Variants in CACNA1D observed in about 807,000 individuals in gnomAD.
CACNA1D encodes the protein voltage-dependent L-type calcium channel subunit alpha-1D.
CACNA1D carries 55 observed loss-of-function variants against 257.1 expected under a neutral mutation model. The observed-to-expected ratio is 0.21, with a 90% CI of 0.17 to 0.27. CACNA1D has a LOEUF of 0.27. CACNA1D is among the 10% of genes least tolerant of loss of function. The probability of loss-of-function intolerance (pLI) is 1.00; values close to 1 mark genes in which losing one functional copy is unlikely to be tolerated. For missense variants in CACNA1D, 1,876 were observed against 2,784.0 expected (o/e 0.67, Z 7.34); for synonymous variants, 980 against 1,014.9 (o/e 0.97, Z 0.65).
At position 53,766,682 on chromosome 3, in the gene CACNA1D, C is replaced by T. The variant is rs79578232; in HGVS notation, c.3871-3291C>T. On this transcript the variant is annotated intron_variant, in intron 30 of 47. Transcript: ENST00000350061. ...GGCTCGAGGGAACATCAGCAGAGCC[C>T]CAGGAATCTAAGGAGCTTTCTGGAC... is the stretch of plus-strand genomic sequence containing the variant. 3.5e-3 allele frequency among the ~76,000 whole-genome samples: 539 copies of T among 152,254 alleles called. 11 individuals are homozygous for T. The East Asian group carries it at 0.064, about 18-fold the overall frequency.
chr3:53,614,653 A>T (rs1197135356), intron 3 of CACNA1D, among the ~76,000 whole-genome samples: 1 of 152,234 alleles, frequency 6.6e-6, no homozygotes, highest in African/African-American at 2.4e-5. Context: ...CAGAACAAGC[A>T]AACAGGGTGT....
chr3:53,686,291 A>T (rs2094472872), intron 8 of CACNA1D, among the ~76,000 whole-genome samples: 1 of 152,124 alleles, frequency 6.6e-6, no homozygotes, highest in South Asian at 2.1e-4. Flanking sequence ...CAGCCGATTT[A>T]GAAAAAAATT....
chr3:53,615,735 C>A (rs150079692), intron 3 of CACNA1D, among the ~76,000 whole-genome samples: 43 of 152,340 alleles, frequency 2.8e-4, no homozygotes, highest in African/African-American at 9.4e-4. Context: ...AAAGCATATG[C>A]TGCATTCTAT....
chr3:53,509,031 T>A (rs977750538), intron 3 of CACNA1D, among the ~76,000 whole-genome samples: 1 of 152,202 alleles, frequency 6.6e-6, no homozygotes, highest in African/African-American at 2.4e-5. Context: ...ACCATGCAGC[T>A]ACAGGATGTG....
At chr3:53,588,661 T>C (rs1450274816) in intron 3 of CACNA1D, among the ~76,000 whole-genome samples, 2 of 152,332 alleles carry the variant, frequency 1.3e-5, no homozygotes, top group South Asian at 2.1e-4. Context: ...GGTGAGGATG[T>C]GTCCAGCACT....
intron 37 of CACNA1D, among the ~76,000 whole-genome samples, chr3:53,778,228 GGCCTCTT>G (rs1263058638): frequency 6.6e-6 from 1 of 151,986 alleles, no homozygotes; most frequent in Non-Finnish European, 1.5e-5. Context: ...TCCCAGTACT[GGCCTCTT>G]TTCTGCTTTC....
intron 4 of CACNA1D, among the ~76,000 whole-genome samples, chr3:53,655,873 A>G (rs1184954064): frequency 6.6e-6 from 1 of 152,120 alleles, no homozygotes; most frequent in Non-Finnish European, 1.5e-5. Flanking sequence ...CCAGAATGGT[A>G]TTGCCTAGGT....
At chr3:53,499,460 T>A (rs1285206611) in intron 2 of CACNA1D, among the ~76,000 whole-genome samples, 1 of 152,142 alleles carries the variant, frequency 6.6e-6, no homozygotes, top group Non-Finnish European at 1.5e-5. Context: ...CAGACAGGCA[T>A]GACAGAGTGT....
chr3:53,566,375 G>T (rs1169804009), intron 3 of CACNA1D, among the ~76,000 whole-genome samples: 7 of 152,012 alleles, frequency 4.6e-5, no homozygotes, highest in Non-Finnish European at 1.0e-4. Flanking sequence ...TGCTTCCCTG[G>T]ATGGGTGTTT....
chr3:53,558,985 A>T (rs1208583707), intron 3 of CACNA1D, among the ~76,000 whole-genome samples: 1 of 152,012 alleles, frequency 6.6e-6, no homozygotes, highest in Non-Finnish European at 1.5e-5. Context: ...CTTCTTCTGG[A>T]ACTCTAGTTC....
At chr3:53,592,981 G>A (rs986163350) in intron 3 of CACNA1D, among the ~76,000 whole-genome samples, 20 of 152,126 alleles carry the variant, frequency 1.3e-4, no homozygotes, top group African/African-American at 4.8e-4. Flanking sequence ...GAGCCACTGC[G>A]CCTGGCCAAT....
At chr3:53,704,636 T>C (rs9876029) in intron 9 of CACNA1D, among the ~76,000 whole-genome samples, 5,928 of 152,260 alleles carry the variant, frequency 0.039, 412 homozygotes, top group African/African-American at 0.13. Flanking sequence ...CAACAGGCCA[T>C]GTAGGTGCAG....
At chr3:53,763,222 G>C (rs1482230826) in intron 30 of CACNA1D, among the ~76,000 whole-genome samples, 1 of 152,246 alleles carries the variant, frequency 6.6e-6, no homozygotes, top group Non-Finnish European at 1.5e-5. Flanking sequence ...AGAGGGCCGA[G>C]TGCAAACCAG....
chr3:53,654,870 C>A (rs72978531), intron 4 of CACNA1D, among the ~76,000 whole-genome samples: 4,379 of 152,028 alleles, frequency 0.029, 195 homozygotes, highest in East Asian at 0.086. Context: ...TTAAAAAAAA[C>A]CCCTAAATCC....
chr3:53,650,988 T>C (rs543343619), intron 4 of CACNA1D, 70 bp downstream of exon 4: 7 of 1,189,770 alleles, frequency 5.9e-6, no homozygotes, highest in South Asian at 1.2e-5. Context: ...GGGGTGGTGG[T>C]AACAAAACAG....
intron 29 of CACNA1D, among the ~76,000 whole-genome samples, chr3:53,759,520 C>T (rs1380620954): frequency 6.6e-6 from 1 of 152,228 alleles, no homozygotes; most frequent in East Asian, 1.9e-4. Context: ...GTCTCCTCCG[C>T]CTTGTCAGTA....
rs1576556504 is a variant in CACNA1D at position 53,751,614 on chromosome 3, C to T, written c.3517-135C>T. Reference sequence around the variant, plus strand: ...TGCCAGCAGCAGGAAGGGGGTCACTCGTAATCATTTTCACCATCGTCCACG... The same window carrying T: ...TGCCAGCAGCAGGAAGGGGGTCACTTGTAATCATTTTCACCATCGTCCACG... On this transcript the variant is annotated intron_variant, in intron 27 of 47. Transcript: ENST00000350061. The surrounding 1 kb of genome is among the most constrained non-coding windows in gnomAD (Gnocchi z 4.3). 5.6e-6 allele frequency: 5 copies of T among 887,938 alleles called. No individual in the cohort carries two copies. The highest frequency in any genetic ancestry group is 2.4e-5 in the East Asian group (1 of 40,928). 55.0% of individuals were successfully genotyped at this position (887,938 alleles called of 1,614,324 possible). A position where few individuals can be genotyped will look rare whatever the true frequency, so the allele number is the denominator to read the frequency against.
At chr3:53,745,592 A>G in intron 23 of CACNA1D, 32 bp from the exon 24 acceptor site, 1 of 1,456,496 alleles carries the variant, frequency 6.9e-7, no homozygotes, top group Non-Finnish European at 9.6e-7. Context: ...AAAATCACAA[A>G]GAAGAGTCAC....
intron 29 of CACNA1D, among the ~76,000 whole-genome samples, chr3:53,756,099 A>C (rs971178540): frequency 2.0e-5 from 3 of 152,206 alleles, no homozygotes; most frequent in Admixed American, 2.0e-4. Context: ...TATCTCTGTT[A>C]GGGGACACAG....
Sources: gnomAD v4.1 joint callset for allele counts (sites outside exome capture counted in the v4.1 genomes callset) on GRCh38, gnomAD v4.1.1 for gene constraint, Gnocchi (gnomAD v3.1) non-coding constraint, MANE v1.5 for transcripts, NCBI Gene and HGNC (gene_info 2026-07-23, HGNC 2026-07-21) for gene names.